TMEM51: variants seen among roughly 807,000 people sequenced by gnomAD.
The protein encoded by TMEM51 is chromosome 1 open reading frame 72.
In TMEM51, 8 loss-of-function variants were observed where a neutral mutation model predicts 13.6. The observed-to-expected ratio is 0.59, with a 90% confidence interval of 0.35 to 1.07. TMEM51 has a LOEUF of 1.07. Ranked by LOEUF, TMEM51 falls within the 50% of genes least tolerant of loss-of-function variation. The probability of loss-of-function intolerance (pLI) is 0.02; values close to 1 mark genes in which losing one functional copy is unlikely to be tolerated. For synonymous variants in TMEM51, 147 were observed against 144.4 expected, an observed-to-expected ratio of 1.02 and a Z score of -0.13; for missense variants, 279 against 330.7, an observed-to-expected ratio of 0.84 and a Z score of 1.21.
chr1:15,203,685 A>G (rs114809485), intron 1 of TMEM51, among the ~76,000 whole-genome samples: 2,221 of 152,190 alleles, frequency 0.015, 62 homozygotes, highest in African/African-American at 0.05. Flanking sequence ...GATTGTTTCT[A>G]TGTCCTCAGT....
At chr1:15,186,814 A>G (rs368755077) in intron 1 of TMEM51, among the ~76,000 whole-genome samples, 1 of 104,720 alleles carries the variant, frequency 9.5e-6, no homozygotes, top group African/African-American at 3.1e-5. Context: ...AGGGCAGGCC[A>G]GGGGGCAGGG....
intron 3 of TMEM51, among the ~76,000 whole-genome samples, chr1:15,215,987 C>A (rs10927728): frequency 2.0e-5 from 3 of 151,822 alleles, no homozygotes; most frequent in Non-Finnish European, 4.4e-5. Context: ...AGCTGAGATA[C>A]CGCCACTGCA....
intron 1 of TMEM51, among the ~76,000 whole-genome samples, chr1:15,175,764 T>C (rs1643439034): frequency 6.6e-6 from 1 of 152,196 alleles, no homozygotes; most frequent in Non-Finnish European, 1.5e-5. Context: ...ACTTATTCAC[T>C]ACCAGGAGAA....
upstream of TMEM51, among the ~76,000 whole-genome samples, chr1:15,153,563 ATACGCTGGGGAGTGGGTGCCCGC>A (rs905901874): frequency 6.6e-6 from 1 of 151,940 alleles, no homozygotes; most frequent in African/African-American, 2.4e-5. Flanking sequence ...CTCCAGCGGC[ATACGCTGGGGAGTGGGTGCCCGC>A]CTCGCTCAGC....
intron 1 of TMEM51, among the ~76,000 whole-genome samples, chr1:15,173,338 G>C (rs1643358120): frequency 6.7e-6 from 1 of 149,032 alleles, no homozygotes; most frequent in Non-Finnish European, 1.5e-5. Flanking sequence ...TCCCGCCTCA[G>C]CCTTCCGAGT....
chr1:15,200,446 A>C (rs1411679461), intron 1 of TMEM51, among the ~76,000 whole-genome samples: 3 of 144,936 alleles, frequency 2.1e-5, no homozygotes, highest in Non-Finnish European at 4.5e-5. Flanking sequence ...AGAGATTAGG[A>C]CAGAGACACA....
At chr1:15,177,899 C>T (rs554814037) in intron 1 of TMEM51, among the ~76,000 whole-genome samples, 75 of 152,280 alleles carry the variant, frequency 4.9e-4, no homozygotes, top group African/African-American at 1.6e-3. Context: ...TAACGTCACG[C>T]GAAGTCTTCT....
intron 1 of TMEM51, among the ~76,000 whole-genome samples, chr1:15,170,455 C>T (rs1207738191): frequency 2.6e-5 from 4 of 150,982 alleles, no homozygotes; most frequent in Non-Finnish European, 4.4e-5. Flanking sequence ...ATTACAGGTG[C>T]GCACCACCAC....
chr1:15,204,604 G>A (rs74053443), intron 1 of TMEM51, among the ~76,000 whole-genome samples: 3,628 of 152,270 alleles, frequency 0.024, 144 homozygotes, highest in African/African-American at 0.082. Flanking sequence ...CTGCTGCTCC[G>A]TGAATGAGGA....
intron 1 of TMEM51, among the ~76,000 whole-genome samples, chr1:15,197,265 G>C (rs1252861988): frequency 1.3e-5 from 2 of 152,182 alleles, no homozygotes; most frequent in East Asian, 3.8e-4. Context: ...CCTGCCCCTT[G>C]AGCCAGAATC....
At chr1:15,198,733 G>A (rs7528237) in intron 1 of TMEM51, among the ~76,000 whole-genome samples, 113,079 of 152,126 alleles carry the variant, frequency 0.74, 42,507 homozygotes, top group East Asian at 0.96. Flanking sequence ...GCAAAACTCA[G>A]CCACCCTGCC....
chr1:15,193,845 C>G (rs1643990676), intron 1 of TMEM51, among the ~76,000 whole-genome samples: 1 of 152,238 alleles, frequency 6.6e-6, no homozygotes, highest in Non-Finnish European at 1.5e-5. Context: ...GCGTGAGCCA[C>G]TGCGCCTGGC....
intron 3 of TMEM51, among the ~76,000 whole-genome samples, chr1:15,216,240 G>A (rs1006919805): frequency 6.6e-6 from 1 of 152,086 alleles, no homozygotes; most frequent in Non-Finnish European, 1.5e-5. Flanking sequence ...TTCCATTTGA[G>A]CAAAAATGCC....
At chr1:15,200,892 T>C (rs1644142395) in intron 1 of TMEM51, among the ~76,000 whole-genome samples, 2 of 152,058 alleles carry the variant, frequency 1.3e-5, no homozygotes, top group South Asian at 2.1e-4. Context: ...AGACTGAAAC[T>C]GACCTAGGGA....
At chr1:15,197,457 T>G (rs1456907919) in intron 1 of TMEM51, among the ~76,000 whole-genome samples, 1 of 152,150 alleles carries the variant, frequency 6.6e-6, no homozygotes, top group Non-Finnish European at 1.5e-5. Flanking sequence ...CTTTGGACCC[T>G]GCGTTTTCAG....
At chr1:15,213,243 G>GA (rs996594494) in intron 2 of TMEM51, among the ~76,000 whole-genome samples, 42 of 152,248 alleles carry the variant, frequency 2.8e-4, no homozygotes, top group Admixed American at 2.6e-3. Context: ...TTTGTTGGGT[G>GA]AAAAAAAGAA....
intron 1 of TMEM51, among the ~76,000 whole-genome samples, chr1:15,178,437 G>A (rs1034772958): frequency 1.3e-4 from 20 of 152,072 alleles, no homozygotes; most frequent in African/African-American, 4.3e-4. Flanking sequence ...AGCAGATGCC[G>A]GGCCTTACCT....
At chr1:15,175,833 A>G (rs1160673804) in intron 1 of TMEM51, among the ~76,000 whole-genome samples, 2 of 152,186 alleles carry the variant, frequency 1.3e-5, no homozygotes, top group East Asian at 3.8e-4. Flanking sequence ...CGCCCTTGAC[A>G]CATGGGATTC....
intron 3 of TMEM51, among the ~76,000 whole-genome samples, chr1:15,218,280 T>G (rs1055851027): frequency 4.6e-5 from 7 of 152,248 alleles, no homozygotes; most frequent in African/African-American, 1.7e-4. Context: ...ATGTTATATT[T>G]CAGATATTCT....
Sources: allele counts gnomAD v4.1 joint callset (sites outside exome capture counted in the v4.1 genomes callset), GRCh38; gene constraint gnomAD v4.1.1; transcripts MANE v1.5; gene names NCBI Gene and HGNC (gene_info 2026-07-23, HGNC 2026-07-21).